The following PCYT1B variants were observed in gnomAD, a reference collection of about 807,000 sequenced individuals.
PCYT1B encodes phosphate cytidylyltransferase 1B, choline.
A neutral mutation model predicts 26.4 loss-of-function variants in PCYT1B; 10 were observed. The ratio of observed to expected loss-of-function variants is 0.38; its 90% CI spans 0.23 to 0.64. The LOEUF (loss-of-function observed/expected upper bound fraction) is 0.64, where lower values mean the gene tolerates loss of function less well. Among genes scored for constraint, PCYT1B ranks in the 30% least tolerant of loss-of-function variants. PCYT1B has a pLI of 0.56. For missense variants in PCYT1B, 161 were observed against 292.7 expected, an observed-to-expected ratio of 0.55 and a Z score of 3.28; for synonymous variants, 131 against 108.4, an observed-to-expected ratio of 1.21 and a Z score of -1.29.
intron 5 of PCYT1B, among the ~76,000 whole-genome samples, chrX:24,584,392 T>G (rs2148230226): frequency 8.9e-6 from 1 of 112,605 alleles, no homozygotes; most frequent in Non-Finnish European, 1.9e-5. Flanking sequence ...GTAACCCATC[T>G]TGATGTAACT....
upstream of PCYT1B, among the ~76,000 whole-genome samples, chrX:24,648,475 T>TTTTTTTGG: frequency 1.1e-5 from 1 of 92,943 alleles, no homozygotes; most frequent in South Asian, 5.2e-4. Context: ...TTTTTTTTTT[T>TTTTTTTGG]GCGAAGGGCG....
intron 1 of PCYT1B, 95 bp from the exon 2 acceptor site, chrX:24,619,179 T>C: frequency 1.6e-6 from 1 of 606,363 alleles, no homozygotes; most frequent in Non-Finnish European, 2.8e-6. Flanking sequence ...TACACAGGTA[T>C]GATTAAGAAG....
At position 24,658,506 on chromosome X, in the gene PCYT1B, C is replaced by CTT. The variant is rs1203809740; in HGVS notation, c.63+14062_63+14063dup. ...GGCTCTAGGGGAAATTGTTTCATTG[C>CTT]TTTTTTTTTTTTTTTTTTTTTTTAG... On this transcript the variant is annotated intron_variant, in intron 1 of 7. Coordinates refer to the PCYT1B transcript ENST00000379145. Among the ~76,000 whole-genome samples, 313 of 58,819 alleles carry CTT rather than the reference C, an allele frequency of 5.3e-3. 12 individuals are homozygous for CTT. The highest frequency in any genetic ancestry group is 0.018 in the African/African-American group (283 of 16,061). 51.1% of individuals were successfully genotyped at this position (58,819 alleles called of 115,157 possible). A position where few individuals can be genotyped will look rare whatever the true frequency, so the allele number is the denominator to read the frequency against.
chrX:24,601,901 C>A (rs1012252353), intron 3 of PCYT1B, among the ~76,000 whole-genome samples: 7 of 112,106 alleles, frequency 6.2e-5, no homozygotes, highest in African/African-American at 2.3e-4. Flanking sequence ...CTGAGCTATA[C>A]CCACTCCTGG....
intron 3 of PCYT1B, among the ~76,000 whole-genome samples, chrX:24,604,991 C>T (rs917416051): frequency 9.0e-6 from 1 of 111,512 alleles, no homozygotes; most frequent in Non-Finnish European, 1.9e-5. Flanking sequence ...CCCTCTGAAA[C>T]AGTTATCTCA....
chrX:24,574,465 C>G (rs1302348674), intron 7 of PCYT1B, among the ~76,000 whole-genome samples: 1 of 111,381 alleles, frequency 9.0e-6, no homozygotes, highest in African/African-American at 3.3e-5. Context: ...AGGAGACCCT[C>G]TACATTTCCT....
At chrX:24,644,449 TACACACACAC>T (rs201474505) in intron 1 of PCYT1B, among the ~76,000 whole-genome samples, 40 of 95,324 alleles carry the variant, frequency 4.2e-4, no homozygotes, top group East Asian at 1.7e-3. Flanking sequence ...ATGTGCATGA[TACACACACAC>T]ACACACACAC....
At chrX:24,670,152 G>GGAAGGAAGGAAGGAAGGAAA (rs1927226978) in intron 1 of PCYT1B, among the ~76,000 whole-genome samples, 1 of 108,356 alleles carries the variant, frequency 9.2e-6, no homozygotes, top group Non-Finnish European at 1.9e-5. Context: ...AAGGAAGGAA[G>GGAAGGAAGGAAGGAAGGAAA]GAAATGGGAA....
chrX:24,660,476 G>A (rs1033109221), intron 1 of PCYT1B, among the ~76,000 whole-genome samples: 3 of 111,348 alleles, frequency 2.7e-5, no homozygotes, highest in Non-Finnish European at 5.7e-5. Flanking sequence ...TCAGGAGTTC[G>A]AAACCAGCCT....
chrX:24,564,554 G>A lies in PCYT1B; in HGVS notation c.898-2049C>T, dbSNP rs1180566319. On this transcript the variant is annotated intron_variant, in intron 7 of 7. Transcript: ENST00000379144. Reference sequence around the variant, plus strand: ...TTTTTAGTAGAGACGGGGTTTCACCGTGTTAGCCAGGCTGGTCTCGATCTC... The same window carrying A: ...TTTTTAGTAGAGACGGGGTTTCACCATGTTAGCCAGGCTGGTCTCGATCTC... Among the ~76,000 whole-genome samples, 3 of 109,740 alleles carry A rather than the reference G, an allele frequency of 2.7e-5. No individual in the cohort carries two copies. In the East Asian group the frequency reaches 8.7e-4, roughly 32 times the overall value.
chrX:24,601,074 T>C (rs1463476627), intron 3 of PCYT1B, among the ~76,000 whole-genome samples: 2 of 112,126 alleles, frequency 1.8e-5, no homozygotes, highest in Non-Finnish European at 1.9e-5. Context: ...CTGGGTATGG[T>C]GGTGACTTTT....
chrX:24,617,376 T>TG (rs1451748717), intron 2 of PCYT1B, among the ~76,000 whole-genome samples: 3 of 105,584 alleles, frequency 2.8e-5, no homozygotes, highest in Non-Finnish European at 5.8e-5. Context: ...TGTTTGTTTT[T>TG]TTTTTTGTTT....
At chrX:24,642,213 C>A (rs1921923) in intron 1 of PCYT1B, among the ~76,000 whole-genome samples, 56,098 of 111,143 alleles carry the variant, frequency 0.5, 10,470 homozygotes, top group East Asian at 0.69. Flanking sequence ...TCTTTTATTT[C>A]TCTCCACAGC....
intron 1 of PCYT1B, among the ~76,000 whole-genome samples, chrX:24,626,462 A>G (rs1269271272): frequency 8.9e-6 from 1 of 112,239 alleles, no homozygotes; most frequent in African/African-American, 3.2e-5. Context: ...TGTTTATTCC[A>G]TATATGTCTG....
At chrX:24,647,869 G>A (rs1926679841), upstream of PCYT1B, among the ~76,000 whole-genome samples, 1 of 112,016 alleles carries the variant, frequency 8.9e-6, no homozygotes, top group African/African-American at 3.2e-5. Flanking sequence ...GCCCTCCCCT[G>A]GGGCTGCCCT....
At chrX:24,579,199 AAG>A (rs371710868) in intron 6 of PCYT1B, 115 bp downstream of exon 6, 97 of 469,180 alleles carry the variant, frequency 2.1e-4, no homozygotes, top group Middle Eastern at 2.1e-3. Context: ...AAAAAAAAAA[AAG>A]AGAGAGAGAG....
intron 1 of PCYT1B, among the ~76,000 whole-genome samples, chrX:24,672,098 G>A (rs1161568967): frequency 8.9e-6 from 1 of 111,986 alleles, no homozygotes; most frequent in African/African-American, 3.2e-5. Context: ...GGAGGCAGAG[G>A]TTGCAGTGAG....
At chrX:24,637,489 A>ATATATATATATATATATATATATATAT (rs1399115470) in intron 1 of PCYT1B, among the ~76,000 whole-genome samples, 3 of 55,757 alleles carry the variant, frequency 5.4e-5, no homozygotes, top group Non-Finnish European at 8.1e-5. Flanking sequence ...TAAAAAAAAA[A>ATATATATATATATATATATATATATAT]AAATATATAT....
intron 1 of PCYT1B, among the ~76,000 whole-genome samples, chrX:24,634,215 G>A (rs1465124688): frequency 8.9e-6 from 1 of 111,928 alleles, no homozygotes; most frequent in Admixed American, 9.5e-5. Flanking sequence ...CATGACGCCT[G>A]GCCTTCTAAT....
Sources: allele counts gnomAD v4.1 joint callset (sites outside exome capture counted in the v4.1 genomes callset), GRCh38; gene constraint gnomAD v4.1.1; transcripts MANE v1.5; gene names NCBI Gene and HGNC (gene_info 2026-07-23, HGNC 2026-07-21).